MPPED2: variants seen among roughly 807,000 people sequenced by gnomAD.
MPPED2 encodes metallophosphoesterase domain containing 2, also known as metallophosphoesterase MPPED2.
A neutral mutation model predicts 33.0 loss-of-function variants in MPPED2; 5 were observed. The observed-to-expected ratio is 0.15, with a 90% confidence interval of 0.08 to 0.32. The LOEUF (loss-of-function observed/expected upper bound fraction) is 0.32, where lower values mean the gene tolerates loss of function less well. Ranked by LOEUF, MPPED2 falls within the 10% of genes least tolerant of loss-of-function variation. MPPED2 has a pLI of 1.00. For missense variants in MPPED2, 275 were observed against 372.1 expected (o/e 0.74, Z 2.15); for synonymous variants, 136 against 141.9 (o/e 0.96, Z 0.29).
chr11:30,388,078 G>A (rs1267577878), exon 7 of MPPED2: 1 of 152,520 alleles, frequency 6.6e-6, no homozygotes, highest in East Asian at 1.9e-4. Context: ...CGGCTGCCTG[G>A]GACTTGGGAT....
intron 3 of MPPED2, among the ~76,000 whole-genome samples, chr11:30,516,090 T>C (rs1047823958): frequency 6.6e-6 from 1 of 152,160 alleles, no homozygotes; most frequent in African/African-American, 2.4e-5. Context: ...TCATAACATC[T>C]TTCCCACTGA....
At chr11:30,439,153 G>T (rs1949452473) in intron 4 of MPPED2, among the ~76,000 whole-genome samples, 1 of 152,200 alleles carries the variant, frequency 6.6e-6, no homozygotes, top group African/African-American at 2.4e-5. Context: ...ATAAATTCAA[G>T]ATTAGGCCCT....
intron 5 of MPPED2, among the ~76,000 whole-genome samples, chr11:30,416,572 G>A (rs936183804): frequency 3.9e-5 from 6 of 152,110 alleles, no homozygotes; most frequent in African/African-American, 1.4e-4. Flanking sequence ...TCCAAACCAA[G>A]ATGATTAAGA....
intron 4 of MPPED2, among the ~76,000 whole-genome samples, chr11:30,436,707 C>T (rs1949342274): frequency 6.6e-6 from 1 of 152,126 alleles, no homozygotes; most frequent in Non-Finnish European, 1.5e-5. Flanking sequence ...TATATTTGTT[C>T]TTCAAACAAC....
chr11:30,525,408 T>G (rs1954110661), intron 3 of MPPED2, among the ~76,000 whole-genome samples: 1 of 152,112 alleles, frequency 6.6e-6, no homozygotes, highest in Admixed American at 6.5e-5. Flanking sequence ...AGAGCCGCTT[T>G]TTTATTTTGT....
At chr11:30,558,945 A>T (rs946323662) in intron 2 of MPPED2, among the ~76,000 whole-genome samples, 10 of 152,140 alleles carry the variant, frequency 6.6e-5, no homozygotes, top group Non-Finnish European at 1.5e-4. Flanking sequence ...GCAGCTGCTC[A>T]TTTGAAGTGG....
At chr11:30,523,081 G>T (rs946354153) in intron 3 of MPPED2, among the ~76,000 whole-genome samples, 1 of 152,078 alleles carries the variant, frequency 6.6e-6, no homozygotes, top group African/African-American at 2.4e-5. Context: ...TGACCACAGG[G>T]GTCAGGCAGA....
chr11:30,449,298 C>A (rs1368805730), intron 4 of MPPED2, among the ~76,000 whole-genome samples: 4 of 152,144 alleles, frequency 2.6e-5, no homozygotes, highest in African/African-American at 9.7e-5. Flanking sequence ...GGATATGCCA[C>A]CCCCAACTAT....
At chr11:30,462,446 T>C (rs1479683944) in intron 4 of MPPED2, among the ~76,000 whole-genome samples, 2 of 152,202 alleles carry the variant, frequency 1.3e-5, no homozygotes, top group Non-Finnish European at 1.5e-5. Flanking sequence ...AAAAAATCAC[T>C]GCATAATTGT....
chr11:30,389,823 C>A (rs541134354), intron 6 of MPPED2, among the ~76,000 whole-genome samples: 1 of 152,100 alleles, frequency 6.6e-6, no homozygotes, highest in Non-Finnish European at 1.5e-5. Flanking sequence ...GTTTTTGGAA[C>A]CTCACAGCTA....
rs1947743460 is a variant in MPPED2, at chr11:30,389,406, G to T, written c.767-450C>A. ...ATTTGAAAATGATGCCCTGGGGATT[G>T]TCTATTCACTGAGGGTTAATATGAA... On this transcript the variant is annotated intron_variant, in intron 6 of 6. Transcript: ENST00000448418. Among the ~76,000 whole-genome samples the T allele has an allele frequency of 2.6e-5, 4 of 152,194 alleles. No homozygotes were observed. In the South Asian group the frequency reaches 8.3e-4, roughly 32 times the overall value.
chr11:30,403,934 C>G (rs1259863641), intron 6 of MPPED2, among the ~76,000 whole-genome samples: 1 of 152,170 alleles, frequency 6.6e-6, no homozygotes, highest in African/African-American at 2.4e-5. Context: ...ATGTAGTACC[C>G]TTTCTCTTCC....
At chr11:30,391,516 A>T (rs1432059319) in intron 6 of MPPED2, among the ~76,000 whole-genome samples, 1 of 152,124 alleles carries the variant, frequency 6.6e-6, no homozygotes, top group Non-Finnish European at 1.5e-5. Context: ...GCTCTACCAC[A>T]TATTGCCTGT....
intron 6 of MPPED2, among the ~76,000 whole-genome samples, chr11:30,413,977 G>T (rs1455783623): frequency 2.0e-5 from 3 of 152,184 alleles, no homozygotes; most frequent in Non-Finnish European, 4.4e-5. Flanking sequence ...TCCAGAAGCT[G>T]CCAGGGGGAG....
At chr11:30,425,226 A>G (rs1948780718) in intron 4 of MPPED2, among the ~76,000 whole-genome samples, 1 of 152,130 alleles carries the variant, frequency 6.6e-6, no homozygotes, top group African/African-American at 2.4e-5. Flanking sequence ...ACACGTGGAC[A>G]TCTTTACAAA....
chr11:30,512,793 G>A (rs978925856), intron 3 of MPPED2, among the ~76,000 whole-genome samples: 2 of 152,174 alleles, frequency 1.3e-5, no homozygotes, highest in African/African-American at 2.4e-5. Context: ...CCAAGGTCAG[G>A]AGTTCAAGAC....
chr11:30,454,346 G>A (rs1324128598), intron 4 of MPPED2, among the ~76,000 whole-genome samples: 1 of 152,088 alleles, frequency 6.6e-6, no homozygotes, highest in Non-Finnish European at 1.5e-5. Flanking sequence ...CCATAACCAC[G>A]ATGTGTATAA....
chr11:30,540,634 A>G (rs982945912), intron 2 of MPPED2, among the ~76,000 whole-genome samples: 12 of 151,988 alleles, frequency 7.9e-5, no homozygotes, highest in African/African-American at 2.9e-4. Context: ...AACATCTACC[A>G]CTCACTCAGG....
chr11:30,418,185 T>C (rs1202704644), intron 4 of MPPED2, among the ~76,000 whole-genome samples: 1 of 152,080 alleles, frequency 6.6e-6, no homozygotes, highest in Non-Finnish European at 1.5e-5. Context: ...TCTGAAAAAA[T>C]ACGGGGGCTC....
Sources: gnomAD v4.1 joint callset for allele counts (sites outside exome capture counted in the v4.1 genomes callset) on GRCh38, gnomAD v4.1.1 for gene constraint, MANE v1.5 for transcripts, NCBI Gene and HGNC (gene_info 2026-07-23, HGNC 2026-07-21) for gene names.